RBFOX1: variants seen among roughly 807,000 people sequenced by gnomAD.
The protein encoded by RBFOX1 is RNA binding protein fox-1 homolog 1.
A neutral mutation model predicts 57.7 loss-of-function variants in RBFOX1; 8 were observed. The observed-to-expected ratio is 0.14, with a 90% CI of 0.08 to 0.25. RBFOX1 has a LOEUF of 0.25. Ranked by LOEUF, RBFOX1 falls within the 10% of genes least tolerant of loss-of-function variation. The pLI is 1.00. For synonymous variants in RBFOX1, 326 were observed against 222.4 expected (o/e 1.47, Z -4.15); for missense variants, 611 against 548.5 (o/e 1.11, Z -1.14).
chr16:6,540,177 G>T (rs2096794002), intron 2 of RBFOX1, among the ~76,000 whole-genome samples: 1 of 152,080 alleles, frequency 6.6e-6, no homozygotes, highest in South Asian at 2.1e-4. Flanking sequence ...TTGTGAATCT[G>T]AGGTCTATCT....
chr16:7,084,037 T>G (rs1353349484), intron 4 of RBFOX1, among the ~76,000 whole-genome samples: 1 of 152,134 alleles, frequency 6.6e-6, no homozygotes, highest in Non-Finnish European at 1.5e-5. Flanking sequence ...TGATCATCTT[T>G]CAGGTCATTT....
intron 4 of RBFOX1, among the ~76,000 whole-genome samples, chr16:7,373,180 G>T (rs779190275): frequency 3.3e-5 from 5 of 152,040 alleles, no homozygotes; most frequent in African/African-American, 7.2e-5. Context: ...TGATCTACCT[G>T]CCTTGGCCTC....
In RBFOX1 at chr16:6,485,383, G is replaced by A. The variant is rs182102254; in HGVS notation, c.-64+168326G>A. ...TCTTCTCTCTCTTGGTCTCCCTCTG[G>A]GTATTTCTTCCTCCTTATCCCATTT... On this transcript the variant is annotated intron_variant, in intron 2 of 15. Transcript: ENST00000550418. Among the ~76,000 whole-genome samples the A allele has an allele frequency of 6.6e-5, 10 of 151,648 alleles. No homozygotes were observed. In the East Asian group the frequency reaches 1.7e-3, roughly 26 times the overall value.
At chr16:6,573,593 G>C (rs2097375452) in intron 2 of RBFOX1, among the ~76,000 whole-genome samples, 1 of 152,212 alleles carries the variant, frequency 6.6e-6, no homozygotes, top group Non-Finnish European at 1.5e-5. Flanking sequence ...ATTTTGAAAG[G>C]AAGCGGTGTT....
chr16:5,691,842 A>G (rs1042490188), intron 3 of RBFOX1, among the ~76,000 whole-genome samples: 1 of 152,170 alleles, frequency 6.6e-6, no homozygotes, highest in Non-Finnish European at 1.5e-5. Context: ...TCCCACAAAT[A>G]GGTGCCAGAG....
At chr16:5,510,657 T>C (rs577269684) in intron 2 of RBFOX1, among the ~76,000 whole-genome samples, 44 of 152,308 alleles carry the variant, frequency 2.9e-4, no homozygotes, top group African/African-American at 1.0e-3. Context: ...TAGCAGGGTT[T>C]TCCTTGTAGG....
chr16:7,655,194 A>ATGTT (rs1006279891), intron 12 of RBFOX1, among the ~76,000 whole-genome samples: 4 of 152,364 alleles, frequency 2.6e-5, no homozygotes, highest in East Asian at 1.9e-4. Flanking sequence ...AGCATTTGAA[A>ATGTT]TGTTTGTTTC....
chr16:7,540,877 A>C (rs1464811843), intron 5 of RBFOX1, among the ~76,000 whole-genome samples: 2 of 152,192 alleles, frequency 1.3e-5, no homozygotes, highest in Non-Finnish European at 2.9e-5. Context: ...TAAACTCCTC[A>C]TGTGGCCAAG....
At chr16:7,541,320 AG>A in intron 5 of RBFOX1, among the ~76,000 whole-genome samples, 1 of 152,312 alleles carries the variant, frequency 6.6e-6, no homozygotes, top group East Asian at 1.9e-4. Flanking sequence ...TGCAAATGTG[AG>A]GCAAAGGACC....
intron 4 of RBFOX1, among the ~76,000 whole-genome samples, chr16:7,231,690 C>G (rs896367337): frequency 2.6e-5 from 4 of 152,144 alleles, no homozygotes; most frequent in African/African-American, 4.8e-5. Flanking sequence ...AAAATGTGGT[C>G]TATCCATACA....
intron 2 of RBFOX1, among the ~76,000 whole-genome samples, chr16:5,505,276 C>T (rs958092294): frequency 7.9e-5 from 12 of 152,192 alleles, no homozygotes; most frequent in African/African-American, 2.9e-4. Context: ...GTTGGGATAA[C>T]CCTGAACTGT....
At chr16:6,621,902 A>G (rs567140481) in intron 2 of RBFOX1, among the ~76,000 whole-genome samples, 1 of 151,526 alleles carries the variant, frequency 6.6e-6, no homozygotes, top group Non-Finnish European at 1.5e-5. Flanking sequence ...GACATGATTT[A>G]AAAAAAAAGT....
chr16:5,486,666 G>T (rs894222949), intron 2 of RBFOX1, among the ~76,000 whole-genome samples: 1 of 152,118 alleles, frequency 6.6e-6, no homozygotes, highest in African/African-American at 2.4e-5. Context: ...TCTCAGTCTT[G>T]TGCCCTGTCT....
intron 1 of RBFOX1, among the ~76,000 whole-genome samples, chr16:5,420,376 TCCACCACCCCCATATACAC>T (rs755576811): frequency 3.5e-5 from 4 of 113,012 alleles, no homozygotes; most frequent in Admixed American, 9.7e-5. Flanking sequence ...ATAAATATTC[TCCACCACCCCCATATACAC>T]ACACACACAC....
At chr16:6,625,528 C>T (rs978864925) in intron 2 of RBFOX1, among the ~76,000 whole-genome samples, 1 of 152,152 alleles carries the variant, frequency 6.6e-6, no homozygotes, top group Non-Finnish European at 1.5e-5. Flanking sequence ...TTCGTTAAAA[C>T]TTTAAGAAAG....
At chr16:7,543,766 G>C (rs2083641697) in intron 5 of RBFOX1, among the ~76,000 whole-genome samples, 1 of 150,958 alleles carries the variant, frequency 6.6e-6, no homozygotes, top group African/African-American at 2.4e-5. Flanking sequence ...CTGTTGTCAG[G>C]CTGGAGTGCA....
At chr16:7,406,149 T>G (rs969708369) in intron 4 of RBFOX1, among the ~76,000 whole-genome samples, 1 of 152,144 alleles carries the variant, frequency 6.6e-6, no homozygotes, top group Non-Finnish European at 1.5e-5. Flanking sequence ...AGTACAATCT[T>G]TGAAACTGTG....
At chr16:6,791,118 G>T (rs1436078984) in intron 3 of RBFOX1, among the ~76,000 whole-genome samples, 1 of 151,914 alleles carries the variant, frequency 6.6e-6, no homozygotes. Flanking sequence ...TCTTGGCTAG[G>T]CTGATCTCAA....
At chr16:6,255,229 C>T (rs1329353082) in intron 1 of RBFOX1, among the ~76,000 whole-genome samples, 1 of 152,144 alleles carries the variant, frequency 6.6e-6, no homozygotes, top group Non-Finnish European at 1.5e-5. Flanking sequence ...TACCTGTCAA[C>T]AGCACACAAT....
Sources: gnomAD v4.1 joint callset for allele counts (sites outside exome capture counted in the v4.1 genomes callset) on GRCh38, gnomAD v4.1.1 for gene constraint, MANE v1.5 for transcripts, NCBI Gene and HGNC (gene_info 2026-07-23, HGNC 2026-07-21) for gene names.